Variants in FAIM2 observed in about 807,000 individuals in gnomAD.
FAIM2 encodes the protein Fas apoptotic inhibitory molecule 2.
In FAIM2, 27 loss-of-function variants were observed where a neutral mutation model predicts 47.4. The observed-to-expected ratio is 0.57, with a 90% CI of 0.42 to 0.78. The LOEUF is 0.78. Ranked by LOEUF, FAIM2 falls within the 30% of genes least tolerant of loss-of-function variation. The pLI, the probability that FAIM2 is intolerant of heterozygous loss-of-function variation, is 0.00. For synonymous variants in FAIM2, 156 were observed against 159.3 expected (o/e 0.98, Z 0.16); for missense variants, 311 against 389.4 (o/e 0.80, Z 1.69).
chr12:49,893,713 G>T (rs297931), intron 5 of FAIM2, among the ~76,000 whole-genome samples: 2,053 of 152,274 alleles, frequency 0.013, 40 homozygotes, highest in African/African-American at 0.046. Context: ...AGGAACTGTT[G>T]TCACAGTGAC....
At chr12:49,881,921 C>T (rs559249138) in intron 11 of FAIM2, among the ~76,000 whole-genome samples, 4 of 152,312 alleles carry the variant, frequency 2.6e-5, no homozygotes, top group Admixed American at 6.5e-5. Context: ...TTCCACTGGG[C>T]GGCCTGCCCT....
chr12:49,889,045 C>T, intron 10 of FAIM2, 62 bp downstream of exon 10: 2 of 1,236,174 alleles, frequency 1.6e-6, no homozygotes, highest in Non-Finnish European at 2.3e-6. Context: ...GAGGGAACGG[C>T]ACCTTGGGCC....
intron 2 of FAIM2, among the ~76,000 whole-genome samples, chr12:49,899,368 A>G (rs1385623745): frequency 6.6e-6 from 1 of 152,066 alleles, no homozygotes; most frequent in Non-Finnish European, 1.5e-5. Context: ...TTCAAAGCTG[A>G]CCATGGTATT....
intron 11 of FAIM2, among the ~76,000 whole-genome samples, chr12:49,872,707 G>A (rs1238264185): frequency 6.6e-6 from 1 of 152,210 alleles, no homozygotes; most frequent in Non-Finnish European, 1.5e-5. Flanking sequence ...TATGAGCACA[G>A]GCTTGAAAGT....
chr12:49,870,664 T>C lies in FAIM2; in HGVS notation c.802-11A>G. ...GTCAAGTGCCAGGAACTGGGAGAAG[T>C]GAGGAGAGAGAGAGAGAGGTCAGAG... On this transcript the variant is annotated splice_polypyrimidine_tract_variant and intron_variant, in intron 11 of 11. Transcript: ENST00000320634. 6.2e-7 allele frequency: 1 copy of C among 1,612,934 alleles called. No homozygotes were observed. Among genetic ancestry groups the C allele is most frequent in the Non-Finnish European group, 8.5e-7 (1 of 1,179,728 alleles).
At chr12:49,878,319 T>C (rs1227673999) in intron 11 of FAIM2, among the ~76,000 whole-genome samples, 1 of 136,564 alleles carries the variant, frequency 7.3e-6, no homozygotes, top group Non-Finnish European at 1.6e-5. Context: ...TGCGTGTATA[T>C]GTGTATTTGT....
rs1420548351 is a variant in FAIM2, at chr12:49,898,093, G to A, written c.212-3C>T. The A allele has an allele frequency of 6.2e-7, 1 of 1,610,328 alleles. No homozygotes were observed. Among genetic ancestry groups the A allele is most frequent in the East Asian group, 2.2e-5 (1 of 44,866 alleles). ...GTTGTCATAGCTGGAGCTGCTGCCT[G>A]TGTGGCACGTGGAGGAGGAGGACAT... On this transcript the variant is annotated splice_polypyrimidine_tract_variant and splice_region_variant and intron_variant, in intron 2 of 11. Transcript: ENST00000320634.
intron 11 of FAIM2, among the ~76,000 whole-genome samples, chr12:49,885,275 C>T (rs745717930): frequency 6.6e-6 from 1 of 152,220 alleles, no homozygotes; most frequent in Non-Finnish European, 1.5e-5. Flanking sequence ...ACCTGATCCA[C>T]GGGAAGCCAA....
chr12:49,882,009 C>T (rs1191821403), intron 11 of FAIM2, among the ~76,000 whole-genome samples: 2 of 152,222 alleles, frequency 1.3e-5, no homozygotes, highest in Non-Finnish European at 2.9e-5. Flanking sequence ...ATTCTCACAG[C>T]GCTTCCAAAG....
chr12:49,879,469 CATGT>C (rs1946784119), intron 11 of FAIM2, among the ~76,000 whole-genome samples: 1 of 149,516 alleles, frequency 6.7e-6, no homozygotes, highest in African/African-American at 2.5e-5. Flanking sequence ...TGTATATGTG[CATGT>C]GTATGTGCAT....
intron 7 of FAIM2, 122 bp downstream of exon 7, chr12:49,890,561 C>T: frequency 1.1e-6 from 1 of 898,730 alleles, no homozygotes; most frequent in African/African-American, 1.6e-5. Flanking sequence ...ACACCCCTGC[C>T]CCGCCAGGGA....
At chr12:49,891,259 C>A in intron 5 of FAIM2, 145 bp from the exon 6 acceptor site, 2 of 705,302 alleles carry the variant, frequency 2.8e-6, no homozygotes, top group Non-Finnish European at 5.0e-6. Context: ...ATCCTAGAAC[C>A]TGGCAGTGGG....
chr12:49,880,311 T>G (rs1946804904), intron 11 of FAIM2, among the ~76,000 whole-genome samples: 1 of 147,156 alleles, frequency 6.8e-6, no homozygotes, highest in Admixed American at 6.7e-5. Context: ...TGTGCATGTG[T>G]GTATGTGTAT....
chr12:49,897,746 T>A (rs966082358), intron 3 of FAIM2, 163 bp from the exon 4 acceptor site: 1 of 644,818 alleles, frequency 1.6e-6, no homozygotes, highest in African/African-American at 1.9e-5. Flanking sequence ...AAAGCAAAGA[T>A]GCTGCAGAGC....
rs751158718 is a variant in FAIM2, at chr12:49,897,468, G to C, written c.380+51C>G. On this transcript the variant is annotated intron_variant, in intron 4 of 11. Transcript: ENST00000320634. ...TCTGATCATGGGTTCCCCGGCTCCA[G>C]GCCTGGCCATAGTCATCCCTGGAAG... 7.1e-6 allele frequency: 11 copies of C among 1,552,668 alleles called. No homozygotes were observed. The South Asian group carries it at 1.2e-4, about 17-fold the overall frequency.
rs553749510 is a variant in FAIM2, at chr12:49,880,320, A to C, written c.801+7066T>G. Among the ~76,000 whole-genome samples the C allele has an allele frequency of 4.4e-3, 641 of 145,882 alleles. 5 individuals are homozygous for C. Among genetic ancestry groups the C allele is most frequent in the African/African-American group, 0.015 (583 of 39,354 alleles). ...TGTGTATGTGCATGTGTGTATGTGTATGTGTGTCTGTGTGCATGTTTGTGT... is the reference window on the plus strand; with the variant it reads ...TGTGTATGTGCATGTGTGTATGTGTCTGTGTGTCTGTGTGCATGTTTGTGT... On this transcript the variant is annotated intron_variant, in intron 11 of 11. Transcript: ENST00000320634.
chr12:49,897,206 C>A, intron 4 of FAIM2, 122 bp from the exon 5 acceptor site: 2 of 869,804 alleles, frequency 2.3e-6, no homozygotes, highest in South Asian at 2.9e-5. Flanking sequence ...AGGAATGCAG[C>A]CCCTGGAGGC....
intron 11 of FAIM2, among the ~76,000 whole-genome samples, chr12:49,880,746 G>A (rs1045765776): frequency 2.0e-5 from 3 of 151,978 alleles, no homozygotes; most frequent in Non-Finnish European, 2.9e-5. Context: ...ATGTGTGCAT[G>A]TGTGTGTGCG....
chr12:49,889,259 A>G (rs1195608730), intron 9 of FAIM2, 57 bp from the exon 10 acceptor site: 13 of 1,349,730 alleles, frequency 9.6e-6, no homozygotes, highest in African/African-American at 4.3e-5. Context: ...TGGGGCCCCA[A>G]CTACAGGCTG....
Sources: allele counts gnomAD v4.1 joint callset (sites outside exome capture counted in the v4.1 genomes callset), GRCh38; gene constraint gnomAD v4.1.1; transcripts MANE v1.5; gene names NCBI Gene and HGNC (gene_info 2026-07-23, HGNC 2026-07-21).